DAPK1: variants seen among roughly 807,000 people sequenced by gnomAD.
DAPK1 encodes the protein death-associated protein kinase 1.
DAPK1 carries 56 observed loss-of-function variants against 144.9 expected under a neutral mutation model. The observed-to-expected ratio is 0.39, with a 90% CI of 0.31 to 0.48. DAPK1 has a LOEUF of 0.48. Among genes scored for constraint, DAPK1 ranks in the 20% least tolerant of loss-of-function variants. The pLI is 0.95. For missense variants in DAPK1, 1,454 were observed against 1,875.4 expected (o/e 0.78, Z 4.15); for synonymous variants, 690 against 749.0 (o/e 0.92, Z 1.29).
At chr9:87,534,211 A>T (rs1331809499) in intron 2 of DAPK1, among the ~76,000 whole-genome samples, 1 of 151,776 alleles carries the variant, frequency 6.6e-6, no homozygotes, top group Non-Finnish European at 1.5e-5. Flanking sequence ...GATATGCCAC[A>T]CATATGGCCA....
intron 2 of DAPK1, among the ~76,000 whole-genome samples, chr9:87,602,570 G>A (rs1203346454): frequency 6.6e-6 from 1 of 152,110 alleles, no homozygotes; most frequent in Non-Finnish European, 1.5e-5. Flanking sequence ...AACAGTTTTT[G>A]TATCTAGGCT....
intron 2 of DAPK1, among the ~76,000 whole-genome samples, chr9:87,575,777 A>G (rs911278626): frequency 5.3e-5 from 8 of 152,214 alleles, no homozygotes; most frequent in African/African-American, 1.9e-4. Flanking sequence ...CCCTTTAGAA[A>G]AGAGTGTACG....
At position 87,686,294 on chromosome 9, in the gene DAPK1, A is replaced by G. The variant is rs74897874; in HGVS notation, c.2225-257A>G. Among the ~76,000 whole-genome samples the G allele has an allele frequency of 2.6e-5, 4 of 152,204 alleles. No individual in the cohort carries two copies. The East Asian group carries it at 5.8e-4, about 22-fold the overall frequency. On this transcript the variant is annotated intron_variant, in intron 20 of 25. Transcript: ENST00000408954. The surrounding 1 kb of genome is among the most constrained non-coding windows in gnomAD (Gnocchi z 4.2). ...CATGGCAAGCCAGCCTAGAGACACAATCCCTAGGACCAGCCACCCGGGCAA... is the reference window on the plus strand; with the variant it reads ...CATGGCAAGCCAGCCTAGAGACACAGTCCCTAGGACCAGCCACCCGGGCAA...
chr9:87,640,160 C>G, intron 7 of DAPK1, 138 bp from the exon 8 acceptor site: 1 of 883,058 alleles, frequency 1.1e-6, no homozygotes, highest in Non-Finnish European at 1.7e-6. Flanking sequence ...ACAGTTAAAG[C>G]CCTATGAAAT....
chr9:87,680,680 G>C (rs560578215), intron 19 of DAPK1, among the ~76,000 whole-genome samples: 1 of 151,746 alleles, frequency 6.6e-6, no homozygotes, highest in African/African-American at 2.4e-5. Flanking sequence ...CACATTGAAG[G>C]CTTCACAGTT....
chr9:87,604,973 A>C lies in DAPK1; in HGVS notation c.82A>C (p.Lys28Gln), dbSNP rs767155711. The C allele has an allele frequency of 6.2e-7, 1 of 1,614,102 alleles. No homozygotes were observed. The highest frequency in any genetic ancestry group is 1.7e-5 in the Admixed American group (1 of 60,010). ...TTTCAGTGGACAGTTTGCGGTTGTG[A>C]AGAAATGCCGTGAGAAAAGCACCGG... ...ELGSGQFAVV[K>Q]KCREKSTGLQ... is the part of the protein sequence containing the mutation. The change falls in exon 3 of 26, where the codon AAG becomes CAG. Residue 28 changes from lysine (K) to glutamine (Q), a missense_variant. Transcript: ENST00000408954.
At chr9:87,635,980 T>A (rs999919425) in intron 3 of DAPK1, among the ~76,000 whole-genome samples, 3 of 151,816 alleles carry the variant, frequency 2.0e-5, no homozygotes, top group East Asian at 1.9e-4. Context: ...AATCTCCCAC[T>A]TTTTCCCCCC....
At position 87,550,683 on chromosome 9, in the gene DAPK1, G is replaced by A. The variant is rs36231968; in HGVS notation, c.62+51544G>A. On this transcript the variant is annotated intron_variant, in intron 2 of 25. Transcript: ENST00000408954. ...GCTACCTTACAAATAAGGTACTGGG[G>A]GTTAGGACATCAGTATACAAATTTG... 4.6e-3 allele frequency among the ~76,000 whole-genome samples: 701 copies of A among 152,286 alleles called. 12 individuals carry two copies. Among genetic ancestry groups the A allele is most frequent in the African/African-American group, 0.016 (665 of 41,550 alleles).
At chr9:87,505,464 C>T (rs11790186) in intron 2 of DAPK1, among the ~76,000 whole-genome samples, 40,231 of 150,774 alleles carry the variant, frequency 0.27, 5,849 homozygotes, top group East Asian at 0.43. Flanking sequence ...GGCGTGATCT[C>T]GGCTCACTGC....
intron 23 of DAPK1, 100 bp from the exon 24 acceptor site, chr9:87,700,017 C>G (rs1825405523): frequency 2.1e-6 from 2 of 950,150 alleles, no homozygotes; most frequent in Admixed American, 4.1e-5. Context: ...AACTTTCCTT[C>G]CCTCCTACCA....
At chr9:87,661,615 C>T (rs1305994983) in intron 18 of DAPK1, among the ~76,000 whole-genome samples, 1 of 152,076 alleles carries the variant, frequency 6.6e-6, no homozygotes, top group Non-Finnish European at 1.5e-5. Context: ...GGCTTTCTGT[C>T]TTCTTTTGAA....
rs1194805326 is a variant in DAPK1 at position 87,499,258 on chromosome 9, C to T, written c.62+119C>T. The stretch of plus-strand genomic sequence containing the variant: ...GTCTCCCTCGCCCTTTCTGGAGATG[C>T]GCAAATCATAGAGAAAAGAGTTACT... On this transcript the variant is annotated intron_variant, in intron 2 of 25. Transcript: ENST00000408954. The T allele has an allele frequency of 5.5e-6, 5 of 901,450 alleles. No homozygotes were observed. In the Admixed American group the frequency reaches 6.5e-5, roughly 12 times the overall value. The allele number at this position is 901,450 out of a possible 1,614,324, so 55.8% of individuals were successfully genotyped here.
chr9:87,667,642 A>G (rs1224675568), intron 18 of DAPK1: 1 of 152,164 alleles, frequency 6.6e-6, no homozygotes, highest in African/African-American at 2.4e-5. Flanking sequence ...GGATATCCCT[A>G]AGCTTCTACA....
chr9:87,589,966 C>G (rs1391068868), intron 2 of DAPK1, among the ~76,000 whole-genome samples: 1 of 152,204 alleles, frequency 6.6e-6, no homozygotes, highest in East Asian at 1.9e-4. Flanking sequence ...CTTTTAAAAT[C>G]TATATCCGTT....
intron 3 of DAPK1, among the ~76,000 whole-genome samples, chr9:87,606,163 G>T (rs1320001260): frequency 6.6e-6 from 1 of 152,180 alleles, no homozygotes; most frequent in East Asian, 1.9e-4. Flanking sequence ...GGTAAGAAGA[G>T]ATTTTCAAGA....
chr9:87,630,325 T>C (rs541583015), intron 3 of DAPK1, among the ~76,000 whole-genome samples: 2 of 152,232 alleles, frequency 1.3e-5, no homozygotes, highest in African/African-American at 2.4e-5. Context: ...AGTTTTATTA[T>C]TTAAAGCAGA....
chr9:87,616,107 C>T (rs989498688), intron 3 of DAPK1, among the ~76,000 whole-genome samples: 4 of 152,238 alleles, frequency 2.6e-5, no homozygotes, highest in Non-Finnish European at 4.4e-5. Context: ...GGCCCCTCAC[C>T]TTTCTGCTTC....
intron 20 of DAPK1, among the ~76,000 whole-genome samples, chr9:87,684,061 G>A (rs550917672): frequency 3.9e-5 from 6 of 152,350 alleles, no homozygotes; most frequent in South Asian, 2.1e-4. Flanking sequence ...TGGACTGGGC[G>A]GGTCACCAGG....
chr9:87,651,856 A>T, intron 17 of DAPK1, 132 bp downstream of exon 17: 1 of 686,162 alleles, frequency 1.5e-6, no homozygotes, highest in Non-Finnish European at 2.6e-6. Flanking sequence ...CCGGGTCCTG[A>T]TTCTGTGTCC....
Sources: allele counts gnomAD v4.1 joint callset (sites outside exome capture counted in the v4.1 genomes callset), GRCh38; gene constraint gnomAD v4.1.1; non-coding constraint Gnocchi (gnomAD v3.1); transcripts MANE v1.5; gene names NCBI Gene and HGNC (gene_info 2026-07-23, HGNC 2026-07-21).